SCD: variants seen among roughly 807,000 people sequenced by gnomAD.
The protein encoded by SCD is stearoyl-CoA desaturase, also known as acyl-CoA desaturase.
SCD carries 4 observed loss-of-function variants against 35.7 expected under a neutral mutation model. That is an observed-to-expected ratio of 0.11 (90% CI 0.06 to 0.26). SCD has a LOEUF of 0.26. Ranked by LOEUF, SCD falls within the 10% of genes least tolerant of loss-of-function variation. The pLI, the probability that SCD is intolerant of heterozygous loss-of-function variation, is 1.00. For synonymous variants in SCD, 150 were observed against 170.2 expected, an observed-to-expected ratio of 0.88 and a Z score of 0.92; for missense variants, 282 against 460.7, an observed-to-expected ratio of 0.61 and a Z score of 3.55.
chr10:100,348,072 C>A lies in SCD; in HGVS notation c.36C>A (p.Ser12Arg), dbSNP rs763353905. ...PAHLLQDDIS[S>R]SYTTTTTITA... ...CTTCCTCCCCCTTCCAGATCTCTAG[C>A]TCCTATACCACCACCACCACCATTA... Residue 12 changes from serine (S) to arginine (R), a missense_variant, in exon 2 of 6, where the codon AGC becomes AGA. By Grantham distance (110) the Ser-to-Arg change is moderately radical (BLOSUM62 -1). Transcript: ENST00000370355. 1.2e-5 allele frequency: 19 copies of A among 1,613,416 alleles called. No individual in the cohort carries two copies. Among genetic ancestry groups the A allele is most frequent in the Non-Finnish European group, 1.6e-5 (19 of 1,179,760 alleles).
chr10:100,357,393 TGTGCC>T (rs1849939030), intron 5 of SCD, among the ~76,000 whole-genome samples: 1 of 152,144 alleles, frequency 6.6e-6, no homozygotes, highest in Non-Finnish European at 1.5e-5. Flanking sequence ...GCTTTAAGAG[TGTGCC>T]GTGCCTTACT....
chr10:100,359,045 A>G lies in SCD; in HGVS notation c.881-1689A>G, dbSNP rs1292138415. Among the ~76,000 whole-genome samples, 4 of 152,220 alleles carry G rather than the reference A, an allele frequency of 2.6e-5. No homozygotes were observed. In the East Asian group the frequency reaches 7.7e-4, roughly 29 times the overall value. Reference sequence around the variant, plus strand: ...CTTTAACCCATGATTAAAATAAATCATATACACTGTATAAATCTGAGATTA... The same window carrying G: ...CTTTAACCCATGATTAAAATAAATCGTATACACTGTATAAATCTGAGATTA... On this transcript the variant is annotated intron_variant, in intron 5 of 5. Coordinates refer to ENST00000370355, the MANE Select transcript of SCD (RefSeq NM_005063.5).
chr10:100,347,946 C>A, intron 1 of SCD, 118 bp from the exon 2 acceptor site: 1 of 1,012,404 alleles, frequency 9.9e-7, no homozygotes, highest in African/African-American at 1.6e-5. Context: ...CAGTGAACTA[C>A]GGCGCTGCGG....
chr10:100,347,882 T>A (rs1564624466), intron 1 of SCD, among the ~76,000 whole-genome samples, 182 bp from the exon 2 acceptor site: 1 of 151,896 alleles, frequency 6.6e-6, no homozygotes, highest in Non-Finnish European at 1.5e-5. Context: ...CCCTAATGTA[T>A]CTGTACAGTT....
At position 100,354,338 on chromosome 10, in the gene SCD, C is replaced by T. The variant is rs569392567; in HGVS notation, c.442-89C>T. On this transcript the variant is annotated intron_variant, in intron 3 of 5. Transcript: ENST00000370355. ...GGGTATTTTGTGAGGTTGGGCTGAG[C>T]GCCTTGGGCTCTTGATACCTGTCCA... The T allele has an allele frequency of 1.0e-4, 121 of 1,158,764 alleles. No homozygotes were observed. In the African/African-American group the frequency reaches 1.5e-3, roughly 15 times the overall value. The allele number at this position is 1,158,764 out of a possible 1,614,324, so 71.8% of individuals were successfully genotyped here.
In SCD at chr10:100,356,146, C is replaced by T. The variant is rs1258491884; in HGVS notation, c.648-386C>T. On this transcript the variant is annotated intron_variant, in intron 4 of 5. Transcript: ENST00000370355. This position sits in a 1 kb window ranked among gnomAD's most constrained non-coding sequence, Gnocchi z 4.1. ...ATCCCAGCACTTTGGGAGGCTGAGG[C>T]GGGAGGATTGCTGGAAAGTTCAGGC... 1.3e-5 allele frequency among the ~76,000 whole-genome samples: 2 copies of T among 151,950 alleles called. No homozygotes were observed. The highest frequency in any genetic ancestry group is 2.1e-4 in the South Asian group (1 of 4,804).
intron 2 of SCD, among the ~76,000 whole-genome samples, chr10:100,351,415 G>T (rs367962585): frequency 6.6e-6 from 1 of 152,182 alleles, no homozygotes; most frequent in African/African-American, 2.4e-5. Context: ...ATGTATCTTG[G>T]GGGAGGTGGA....
intron 5 of SCD, 52 bp from the exon 6 acceptor site, chr10:100,360,682 T>A: frequency 1.3e-6 from 2 of 1,542,582 alleles, no homozygotes; most frequent in Non-Finnish European, 1.8e-6. Flanking sequence ...TGTGCACAAA[T>A]CAAGAAAACC....
chr10:100,353,321 C>G (rs1263360390), intron 3 of SCD, among the ~76,000 whole-genome samples: 1 of 152,100 alleles, frequency 6.6e-6, no homozygotes, highest in East Asian at 1.9e-4. Flanking sequence ...CACGGTGGCT[C>G]ACGCCTGTAA....
chr10:100,359,578 C>A (rs1849968374), intron 5 of SCD, among the ~76,000 whole-genome samples: 1 of 152,132 alleles, frequency 6.6e-6, no homozygotes. Context: ...GGCATTCTAC[C>A]CCCCTCCTCC....
At position 100,356,996 on chromosome 10, in the gene SCD, T is replaced by C. The variant is rs1395740254; in HGVS notation, c.880+232T>C. ...AACACAAAAAAACACTGATTTTGAT[T>C]CCAGGTTCTAAAACAATTTCCAAAT... is the stretch of plus-strand genomic sequence containing the variant. On this transcript the variant is annotated intron_variant, in intron 5 of 5. Transcript: ENST00000370355. The surrounding 1 kb of genome is among the most constrained non-coding windows in gnomAD (Gnocchi z 4.1). Among the ~76,000 whole-genome samples the C allele has an allele frequency of 6.6e-6, 1 of 152,218 alleles. No individual in the cohort carries two copies. The highest frequency in any genetic ancestry group is 2.4e-5 in the African/African-American group (1 of 41,452).
Position 100,356,679 on chromosome 10 carries a change from C to G in SCD, c.795C>G (p.Asn265Lys). 6.2e-7 allele frequency: 1 copy of G among 1,614,260 alleles called. No homozygotes were observed. Among genetic ancestry groups the G allele is most frequent in the Non-Finnish European group, 8.5e-7 (1 of 1,180,052 alleles). The change falls in exon 5 of 6, where the codon AAC becomes AAG. Residue 265 changes from asparagine (N) to lysine (K), a missense_variant. Asn to Lys is a moderately conservative substitution (Grantham distance 94). Coordinates refer to ENST00000370355, the MANE Select transcript of SCD (RefSeq NM_005063.5). The surrounding 1 kb of genome is among the most constrained non-coding windows in gnomAD (Gnocchi z 4.1). ...AVVLNATWLV[N>K]SAAHLFGYRP... ...TGCTTAATGCCACCTGGCTGGTGAA[C>G]AGTGCTGCCCACCTCTTCGGATATC...
chr10:100,361,204 T>G lies in SCD; in HGVS notation c.*271T>G. On this transcript the variant is annotated 3_prime_UTR_variant, in exon 6 of 6. Coordinates refer to ENST00000370355, the MANE Select transcript of SCD (RefSeq NM_005063.5). ...ATTGCTATCGCCCTCCTTTCCCTTA[T>G]TGCCTCCCAGGCAAGCAGCTGGTCA... is the stretch of plus-strand genomic sequence containing the variant. 2.4e-6 allele frequency: 1 copy of G among 420,048 alleles called. No homozygotes were observed. Among genetic ancestry groups the G allele is most frequent in the Non-Finnish European group, 4.3e-6 (1 of 231,026 alleles). 26.0% of individuals were successfully genotyped at this position (420,048 alleles called of 1,614,324 possible).
At position 100,356,252 on chromosome 10, in the gene SCD, C is replaced by A. The variant is rs868045048; in HGVS notation, c.648-280C>A. Reference sequence around the variant, plus strand: ...ACTAAATGGGCACGATGGTTCATGCCTGTGGTCCCAGCTACTCAGGAGGCT... The same window carrying A: ...ACTAAATGGGCACGATGGTTCATGCATGTGGTCCCAGCTACTCAGGAGGCT... On this transcript the variant is annotated intron_variant, in intron 4 of 5. Coordinates refer to ENST00000370355, the MANE Select transcript of SCD (RefSeq NM_005063.5). The surrounding 1 kb of genome is among the most constrained non-coding windows in gnomAD (Gnocchi z 4.1). Among the ~76,000 whole-genome samples, 3 of 152,124 alleles carry A rather than the reference C, an allele frequency of 2.0e-5. No homozygotes were observed. The highest frequency in any genetic ancestry group is 7.2e-5 in the African/African-American group (3 of 41,410).
chr10:100,351,702 G>A (rs1305132246), intron 2 of SCD, among the ~76,000 whole-genome samples: 4 of 152,012 alleles, frequency 2.6e-5, no homozygotes, highest in Non-Finnish European at 5.9e-5. Flanking sequence ...GTGCAGTGGC[G>A]CGATCTTGGC....
intron 5 of SCD, among the ~76,000 whole-genome samples, chr10:100,358,289 C>T (rs1182062901): frequency 6.6e-6 from 1 of 152,126 alleles, no homozygotes; most frequent in Non-Finnish European, 1.5e-5. Flanking sequence ...TAGCCGTGAG[C>T]CACTGCGCCT....
At position 100,360,906 on chromosome 10, in the gene SCD, C is replaced by A. The variant is rs372600470; in HGVS notation, c.1053C>A (p.Thr351=). 3.7e-6 allele frequency: 6 copies of A among 1,613,948 alleles called. No individual in the cohort carries two copies. The highest frequency in any genetic ancestry group is 4.2e-6 in the Non-Finnish European group (5 of 1,179,850). ...CCATCTTGGCCAGGATTAAAAGAAC[C>A]GGAGATGGAAACTACAAGAGTGGCT... ...KAAILARIKR[T]GDGNYKSG Residue 351 remains threonine, a synonymous_variant, in exon 6 of 6, where the codon ACC becomes ACA. Transcript: ENST00000370355.
rs774394764 is a variant in SCD at position 100,356,596 on chromosome 10, T to G, written c.712T>G (p.Trp238Gly). 1.9e-6 allele frequency: 3 copies of G among 1,614,214 alleles called. No homozygotes were observed. The highest frequency in any genetic ancestry group is 2.5e-6 in the Non-Finnish European group (3 of 1,180,032). ...GCCCACGCTTGTGCCCTGGTATTTC[T>G]GGGGTGAAACTTTTCAAAACAGTGT... ...ILPTLVPWYF[W>G]GETFQNSVFV... Residue 238 changes from tryptophan to glycine, a missense_variant, in exon 5 of 6, where the codon TGG (tryptophan) becomes GGG (glycine). Physicochemically the swap from Trp to Gly is radical, Grantham distance 184. Coordinates refer to ENST00000370355, the MANE Select transcript of SCD (RefSeq NM_005063.5). This position sits in a 1 kb window ranked among gnomAD's most constrained non-coding sequence, Gnocchi z 4.1.
Position 100,348,516 on chromosome 10 carries a change from G to C in SCD, c.310+170G>C, listed in dbSNP as rs560556406. On this transcript the variant is annotated intron_variant, in intron 2 of 5. Coordinates refer to ENST00000370355, the MANE Select transcript of SCD (RefSeq NM_005063.5). ...CTAGTGGGCTGGGAAGAACCTGGGG[G>C]TACTGAGATGCAGGACTGTCAATGC... Among the ~76,000 whole-genome samples, 168 of 152,246 alleles carry C rather than the reference G, an allele frequency of 1.1e-3. 1 individual carries two copies. The highest frequency in any genetic ancestry group is 7.7e-3 in the South Asian group (37 of 4,820).
Sources: allele counts gnomAD v4.1 joint callset (sites outside exome capture counted in the v4.1 genomes callset), GRCh38; gene constraint gnomAD v4.1.1; non-coding constraint Gnocchi (gnomAD v3.1); transcripts MANE v1.5; gene names NCBI Gene and HGNC (gene_info 2026-07-23, HGNC 2026-07-21).